Variants in PCDHGA3 observed in about 807,000 individuals in gnomAD.
PCDHGA3 encodes protocadherin gamma subfamily A, 3.
In PCDHGA3, 40 loss-of-function variants were observed where a neutral mutation model predicts 58.5. That is an observed-to-expected ratio of 0.68 (90% CI 0.53 to 0.89). The LOEUF (loss-of-function observed/expected upper bound fraction) is 0.89. Among genes scored for constraint, PCDHGA3 ranks in the 40% least tolerant of loss-of-function variants. The pLI is 0.00. For missense variants in PCDHGA3, 1,223 were observed against 1,195.9 expected, an observed-to-expected ratio of 1.02 and a Z score of -0.33; for synonymous variants, 530 against 525.7, an observed-to-expected ratio of 1.01 and a Z score of -0.11.
chr5:141,354,662 C>G (rs1183093818), intron 1 of PCDHGA3, among the ~76,000 whole-genome samples: 1 of 152,142 alleles, frequency 6.6e-6, no homozygotes, highest in East Asian at 1.9e-4. Flanking sequence ...CCACCTTTGT[C>G]TTTAGGAGAG....
At chr5:141,426,507 C>G in intron 1 of PCDHGA3, 1 of 342,512 alleles carries the variant, frequency 2.9e-6, no homozygotes, top group Non-Finnish European at 5.8e-6. Context: ...AGAAACAATA[C>G]TTTACCGTGA....
chr5:141,459,510 T>G (rs1449866159), intron 1 of PCDHGA3, among the ~76,000 whole-genome samples: 1 of 152,252 alleles, frequency 6.6e-6, no homozygotes, highest in Non-Finnish European at 1.5e-5. Context: ...TGAACAATCA[T>G]GTACAAGTAT....
intron 1 of PCDHGA3, chr5:141,395,239 T>C: frequency 6.3e-7 from 1 of 1,589,970 alleles, no homozygotes; most frequent in Non-Finnish European, 8.6e-7. Flanking sequence ...CATGGTCAGG[T>C]GAGTTTAGTT....
intron 1 of PCDHGA3, chr5:141,394,390 G>C (rs758609540): frequency 1.2e-6 from 2 of 1,614,100 alleles, no homozygotes; most frequent in Non-Finnish European, 1.7e-6. Context: ...GAGCAGATCC[G>C]AGACCTGCAG....
intron 1 of PCDHGA3, chr5:141,366,221 G>A (rs774963460): frequency 2.5e-6 from 4 of 1,613,834 alleles, no homozygotes; most frequent in Non-Finnish European, 3.4e-6. Flanking sequence ...CACAGCGCGA[G>A]CCCTGCTGGA....
At chr5:141,387,089 G>A (rs1034064461) in intron 1 of PCDHGA3, among the ~76,000 whole-genome samples, 1 of 152,162 alleles carries the variant, frequency 6.6e-6, no homozygotes, top group Non-Finnish European at 1.5e-5. Flanking sequence ...TGTGATCATC[G>A]AAATGAGAAT....
chr5:141,448,565 AT>A (rs2098595794), intron 1 of PCDHGA3, among the ~76,000 whole-genome samples: 1 of 152,070 alleles, frequency 6.6e-6, no homozygotes, highest in Non-Finnish European at 1.5e-5. Flanking sequence ...ATATATTTTT[AT>A]TTCCCCATTT....
Position 141,511,350 on chromosome 5 carries a change from C to G in PCDHGA3, c.*177C>G, listed in dbSNP as rs1303365585. 4.3e-6 allele frequency: 6 copies of G among 1,397,194 alleles called. No homozygotes were observed. Among genetic ancestry groups the G allele is most frequent in the East Asian group, 2.5e-5 (1 of 39,862 alleles). The allele number at this position is 1,397,194 out of a possible 1,614,324, so 86.5% of individuals were successfully genotyped here. On this transcript the variant is annotated 3_prime_UTR_variant, in exon 4 of 4. Transcript: ENST00000253812. ...CCCAGTCAGCACCTACCCCTTCCCC[C>G]CCAGGGGGTTGAATATGCAAAAGCA...
chr5:141,388,871 C>T, intron 1 of PCDHGA3: 2 of 1,613,930 alleles, frequency 1.2e-6, no homozygotes, highest in Non-Finnish European at 8.5e-7. Flanking sequence ...TTGCGCAATG[C>T]ACAGTGGAGG....
At chr5:141,362,014 C>G (rs748394772) in intron 1 of PCDHGA3, 5 of 1,605,936 alleles carry the variant, frequency 3.1e-6, no homozygotes, top group African/African-American at 1.3e-5. Context: ...GGGTGAGGTG[C>G]GCACAGCGCG....
intron 1 of PCDHGA3, chr5:141,422,103 A>C: frequency 6.2e-7 from 1 of 1,608,206 alleles, no homozygotes; most frequent in Admixed American, 1.7e-5. Context: ...CTTCTGAAAT[A>C]TTCCAATTGG....
intron 1 of PCDHGA3, chr5:141,427,790 C>G: frequency 6.7e-7 from 1 of 1,482,224 alleles, no homozygotes; most frequent in South Asian, 1.1e-5. Flanking sequence ...TGTCGTCCTA[C>G]GTGTCCGTGA....
At chr5:141,357,615 T>C (rs372588190) in intron 1 of PCDHGA3, 222 of 1,613,730 alleles carry the variant, frequency 1.4e-4, no homozygotes, top group Admixed American at 5.5e-4. Flanking sequence ...GAGACCCTAA[T>C]CTTCAGGTGA....
chr5:141,509,497 G>A (rs1167178592), intron 3 of PCDHGA3, among the ~76,000 whole-genome samples: 1 of 152,196 alleles, frequency 6.6e-6, no homozygotes, highest in Non-Finnish European at 1.5e-5. Flanking sequence ...TGGCATGCTG[G>A]ATGTGACGGT....
intron 1 of PCDHGA3, chr5:141,414,158 G>C: frequency 6.2e-7 from 1 of 1,602,572 alleles, no homozygotes; most frequent in Non-Finnish European, 8.5e-7. Context: ...GCAGAAGATG[G>C]AGGAGCATAT....
At chr5:141,460,909 G>A (rs1473458228) in intron 1 of PCDHGA3, among the ~76,000 whole-genome samples, 4 of 123,246 alleles carry the variant, frequency 3.2e-5, no homozygotes, top group Non-Finnish European at 6.6e-5. Context: ...AATATTCCAT[G>A]GTGTATATAT....
chr5:141,423,264 C>T (rs1452323474), intron 1 of PCDHGA3: 6 of 1,613,868 alleles, frequency 3.7e-6, no homozygotes, highest in Non-Finnish European at 5.1e-6. Context: ...TCGGCAGCCT[C>T]GAGTCTCTGG....
intron 1 of PCDHGA3, chr5:141,393,684 T>C (rs1399508154): frequency 9.9e-6 from 16 of 1,613,904 alleles, no homozygotes; most frequent in Non-Finnish European, 1.3e-5. Flanking sequence ...ACAAACTCCG[T>C]TATTCCAGCT....
chr5:141,364,416 G>A, intron 1 of PCDHGA3: 2 of 1,613,312 alleles, frequency 1.2e-6, no homozygotes, highest in Non-Finnish European at 1.7e-6. Context: ...CCAGGATCCG[G>A]GCAGATCCGC....
Sources: gnomAD v4.1 joint callset for allele counts (sites outside exome capture counted in the v4.1 genomes callset) on GRCh38, gnomAD v4.1.1 for gene constraint, MANE v1.5 for transcripts, NCBI Gene and HGNC (gene_info 2026-07-23, HGNC 2026-07-21) for gene names.